The following SUV39H2 variants were observed in gnomAD, a reference collection of about 807,000 sequenced individuals.
The protein encoded by SUV39H2 is SUV39H2 histone lysine methyltransferase.
A neutral mutation model predicts 47.5 loss-of-function variants in SUV39H2; 10 were observed. That is an observed-to-expected ratio of 0.21 (90% CI 0.13 to 0.36). The LOEUF (loss-of-function observed/expected upper bound fraction) is 0.36, where lower values mean the gene tolerates loss of function less well. Ranked by LOEUF, SUV39H2 falls within the 10% of genes least tolerant of loss-of-function variation. The pLI is 1.00. For synonymous variants in SUV39H2, 159 were observed against 166.8 expected, an observed-to-expected ratio of 0.95 and a Z score of 0.36; for missense variants, 266 against 487.4, an observed-to-expected ratio of 0.55 and a Z score of 4.28.
chr10:14,896,361 G>A (rs1008093333), intron 2 of SUV39H2, among the ~76,000 whole-genome samples: 1 of 152,212 alleles, frequency 6.6e-6, no homozygotes, highest in South Asian at 2.1e-4. Context: ...AACATCTAGA[G>A]AATGTGTGCC....
intron 2 of SUV39H2, among the ~76,000 whole-genome samples, chr10:14,893,313 T>G (rs1025797085): frequency 6.6e-6 from 1 of 152,156 alleles, no homozygotes; most frequent in Admixed American, 6.5e-5. Flanking sequence ...TTTGTATTTT[T>G]AGTACAGATG....
chr10:14,879,318 A>C (rs949011778), intron 1 of SUV39H2, among the ~76,000 whole-genome samples: 1 of 152,080 alleles, frequency 6.6e-6, no homozygotes, highest in Non-Finnish European at 1.5e-5. Flanking sequence ...GGCGTGCGGC[A>C]TGCGCCCGGG....
At chr10:14,891,945 T>A (rs1833402759) in intron 2 of SUV39H2, among the ~76,000 whole-genome samples, 1 of 152,198 alleles carries the variant, frequency 6.6e-6, no homozygotes, top group South Asian at 2.1e-4. Flanking sequence ...AATCTAAATA[T>A]CCTGAAATTA....
chr10:14,881,735 G>A, intron 2 of SUV39H2, 90 bp downstream of exon 2: 1 of 1,168,350 alleles, frequency 8.6e-7, no homozygotes, highest in Non-Finnish European at 1.1e-6. Flanking sequence ...TAAAAGAAAA[G>A]CTCTTCTTAA....
intron 3 of SUV39H2, 200 bp downstream of exon 3, chr10:14,897,717 C>T (rs181593400): frequency 1.6e-5 from 6 of 379,340 alleles, no homozygotes; most frequent in South Asian, 1.3e-4. Context: ...AAAAAATATA[C>T]GTTAAAACAA....
chr10:14,883,130 GT>G (rs1833091613), intron 2 of SUV39H2, among the ~76,000 whole-genome samples: 1 of 152,106 alleles, frequency 6.6e-6, no homozygotes, highest in Admixed American at 6.5e-5. Context: ...GCCTCCCAAA[GT>G]GCTGGGATTA....
intron 1 of SUV39H2, among the ~76,000 whole-genome samples, chr10:14,879,656 G>T (rs1483129378): frequency 6.6e-6 from 1 of 152,064 alleles, no homozygotes; most frequent in East Asian, 1.9e-4. Context: ...TGTCGCGCAC[G>T]CTTTGAGAGC....
intron 2 of SUV39H2, among the ~76,000 whole-genome samples, chr10:14,888,955 T>C (rs1049070441): frequency 1.3e-5 from 2 of 151,958 alleles, no homozygotes; most frequent in African/African-American, 4.8e-5. Context: ...AATACAAAAT[T>C]AGCCGGGCGT....
Position 14,878,868 on chromosome 10 carries a change from T to A in SUV39H2, c.-21T>A, listed in dbSNP as rs1366218458. On this transcript the variant is annotated 5_prime_UTR_variant, in exon 1 of 6. Coordinates refer to ENST00000354919, the MANE Select transcript of SUV39H2 (RefSeq NM_001193424.2). ...GAGCTATCCCGTCAGACCGCGCCAGTTTGAATGAAAGCTCTACAAGATGGC... is the reference window on the plus strand; with the variant it reads ...GAGCTATCCCGTCAGACCGCGCCAGATTGAATGAAAGCTCTACAAGATGGC... 2.7e-6 allele frequency: 4 copies of A among 1,484,988 alleles called. No homozygotes were observed. Among genetic ancestry groups the A allele is most frequent in the Non-Finnish European group, 3.6e-6 (4 of 1,116,906 alleles). 92.0% of individuals were successfully genotyped at this position (1,484,988 alleles called of 1,614,324 possible).
At chr10:14,879,743 T>C (rs1335860715) in intron 1 of SUV39H2, 31 of 152,140 alleles carry the variant, frequency 2.0e-4, no homozygotes, top group Non-Finnish European at 2.9e-5. Flanking sequence ...TATGACCTCA[T>C]TATCCCTGAA....
At chr10:14,902,318 TA>T in intron 5 of SUV39H2, 87 bp from the exon 6 acceptor site, 1 of 851,332 alleles carries the variant, frequency 1.2e-6, no homozygotes, top group Non-Finnish European at 1.8e-6. Context: ...CTATCACTGA[TA>T]ATAAAGCTAA....
chr10:14,902,813 G>T lies in SUV39H2; in HGVS notation c.*301G>T. 5.7e-6 allele frequency: 1 copy of T among 176,238 alleles called. No homozygotes were observed. 10.9% of individuals were successfully genotyped at this position (176,238 alleles called of 1,614,324 possible). A position where few individuals can be genotyped will look rare whatever the true frequency, so the allele number is the denominator to read the frequency against. ...TGTGAACAGAGAAATGCCTCCCGTA[G>T]TGTTTGAAAGCGTTAAGCTGATAAT... is the stretch of plus-strand genomic sequence containing the variant. On this transcript the variant is annotated 3_prime_UTR_variant, in exon 6 of 6. Coordinates refer to ENST00000354919, the MANE Select transcript of SUV39H2 (RefSeq NM_001193424.2).
rs919860514 is a variant in SUV39H2, at chr10:14,898,202, C to CTTTTTTTTTTTTTTTTT, written c.849+697_849+713dup. On this transcript the variant is annotated intron_variant, in intron 3 of 5. Transcript: ENST00000354919. ...AAAACTCAGTGAGGTAGTACTGTTT[C>CTTTTTTTTTTTTTTTTT]TTTTTTTTTTTTTTTTTTTTTTTTT... 1.3e-3 allele frequency: 72 copies of CTTTTTTTTTTTTTTTTT among 56,148 alleles called. 5 individuals carry two copies. Among genetic ancestry groups the CTTTTTTTTTTTTTTTTT allele is most frequent in the African/African-American group, 1.6e-3 (22 of 14,146 alleles). 3.5% of individuals were successfully genotyped at this position (56,148 alleles called of 1,614,324 possible). A position where few individuals can be genotyped will look rare whatever the true frequency, so the allele number is the denominator to read the frequency against.
chr10:14,899,244 C>G lies in SUV39H2; in HGVS notation c.850-295C>G, dbSNP rs978587789. The G allele has an allele frequency of 2.7e-5, 19 of 702,000 alleles. No homozygotes were observed. The Middle Eastern group carries it at 7.0e-4, about 26-fold the overall frequency. 43.5% of individuals were successfully genotyped at this position (702,000 alleles called of 1,614,324 possible). Reference sequence around the variant, plus strand: ...CTGAGGCAGGAAGATCGCTTGATCCCAGGAGTTAAAGGATACAGGGAGTCA... The same window carrying G: ...CTGAGGCAGGAAGATCGCTTGATCCGAGGAGTTAAAGGATACAGGGAGTCA... On this transcript the variant is annotated intron_variant, in intron 3 of 5. Transcript: ENST00000354919.
chr10:14,879,128 G>T, intron 1 of SUV39H2: 1 of 1,263,958 alleles, frequency 7.9e-7, no homozygotes, highest in Non-Finnish European at 9.9e-7. Flanking sequence ...CGCCGCGGAG[G>T]TGGGCACTGT....
At chr10:14,887,811 G>C (rs1334653473) in intron 2 of SUV39H2, among the ~76,000 whole-genome samples, 1 of 152,242 alleles carries the variant, frequency 6.6e-6, no homozygotes, top group African/African-American at 2.4e-5. Context: ...TGACGTAAGT[G>C]TTGATGTGAC....
At chr10:14,901,700 G>A (rs941500480) in intron 5 of SUV39H2, among the ~76,000 whole-genome samples, 3 of 151,894 alleles carry the variant, frequency 2.0e-5, no homozygotes, top group South Asian at 2.1e-4. Context: ...GCGTGGTGGC[G>A]TGTGCCTGTA....
At chr10:14,893,387 C>G (rs371518379) in intron 2 of SUV39H2, among the ~76,000 whole-genome samples, 7 of 151,990 alleles carry the variant, frequency 4.6e-5, no homozygotes, top group African/African-American at 1.7e-4. Context: ...CCGCCTTGGC[C>G]GGGAAGTGGC....
intron 3 of SUV39H2, chr10:14,899,084 T>C: frequency 1.6e-6 from 1 of 613,082 alleles, no homozygotes; most frequent in Non-Finnish European, 2.9e-6. Context: ...CTTGGGGAGG[T>C]CAAGGCTGGA....
Sources: allele counts gnomAD v4.1 joint callset (sites outside exome capture counted in the v4.1 genomes callset), GRCh38; gene constraint gnomAD v4.1.1; transcripts MANE v1.5; gene names NCBI Gene and HGNC (gene_info 2026-07-23, HGNC 2026-07-21).